The following RSU1 variants were observed in gnomAD, a reference collection of about 807,000 sequenced individuals.
RSU1 encodes Ras suppressor protein 1.
A neutral mutation model predicts 31.1 loss-of-function variants in RSU1; 26 were observed. The observed-to-expected ratio is 0.84, with a 90% CI of 0.61 to 1.16. The LOEUF (loss-of-function observed/expected upper bound fraction) is 1.16. Among genes scored for constraint, RSU1 ranks in the 50% most tolerant of loss-of-function variants. The pLI, the probability that RSU1 is intolerant of heterozygous loss-of-function variation, is 0.00. For missense variants in RSU1, 320 were observed against 339.1 expected (o/e 0.94, Z 0.44); for synonymous variants, 164 against 136.3 (o/e 1.20, Z -1.41).
chr10:16,705,134 T>C (rs969604095), intron 7 of RSU1, among the ~76,000 whole-genome samples: 1 of 152,218 alleles, frequency 6.6e-6, no homozygotes, highest in Non-Finnish European at 1.5e-5. Context: ...TTTTTTCTTT[T>C]GGACTGGCTT....
chr10:16,758,544 C>T (rs1160712892), intron 4 of RSU1, among the ~76,000 whole-genome samples: 3 of 152,128 alleles, frequency 2.0e-5, no homozygotes, highest in Non-Finnish European at 2.9e-5. Flanking sequence ...TTGCTAGCTG[C>T]GTGACCTTCA....
intron 7 of RSU1, among the ~76,000 whole-genome samples, chr10:16,702,709 T>G (rs950126862): frequency 2.0e-5 from 3 of 152,198 alleles, no homozygotes; most frequent in African/African-American, 7.2e-5. Context: ...ATTTTATAGG[T>G]TCACAGGTGG....
intron 7 of RSU1, among the ~76,000 whole-genome samples, chr10:16,701,914 T>G (rs1240144209): frequency 3.3e-5 from 5 of 152,344 alleles, no homozygotes; most frequent in African/African-American, 9.6e-5. Flanking sequence ...TGCCTTATGT[T>G]GCAAGTTGAA....
intron 5 of RSU1, among the ~76,000 whole-genome samples, chr10:16,753,535 ACTACGTGTTT>A (rs1288548344): frequency 6.6e-6 from 1 of 152,254 alleles, no homozygotes; most frequent in Admixed American, 6.5e-5. Flanking sequence ...ACTAATTATT[ACTACGTGTTT>A]CTACAGCCTT....
At chr10:16,779,893 G>A (rs1398320161) in intron 3 of RSU1, among the ~76,000 whole-genome samples, 2 of 152,110 alleles carry the variant, frequency 1.3e-5, no homozygotes, top group Non-Finnish European at 2.9e-5. Flanking sequence ...GAAACAGATC[G>A]GGTGTCAGTG....
At chr10:16,748,188 T>A (rs1465988828) in intron 7 of RSU1, 1 of 152,184 alleles carries the variant, frequency 6.6e-6, no homozygotes, top group Non-Finnish European at 1.5e-5. Context: ...AGTGCACAAG[T>A]CCAAAAACTG....
chr10:16,673,543 A>G (rs955770832), intron 8 of RSU1, among the ~76,000 whole-genome samples: 2 of 152,262 alleles, frequency 1.3e-5, no homozygotes, highest in Admixed American at 6.5e-5. Flanking sequence ...CAAATGGAGA[A>G]GCCCTGTCTT....
At chr10:16,724,201 C>T (rs964821347) in intron 7 of RSU1, among the ~76,000 whole-genome samples, 9 of 152,156 alleles carry the variant, frequency 5.9e-5, no homozygotes, top group African/African-American at 2.2e-4. Flanking sequence ...CCTTCGCCTC[C>T]CAAAGTGCTG....
At chr10:16,669,904 C>A (rs1835075620) in intron 8 of RSU1, among the ~76,000 whole-genome samples, 1 of 152,148 alleles carries the variant, frequency 6.6e-6, no homozygotes, top group Admixed American at 6.5e-5. Flanking sequence ...TACTTACATG[C>A]CCAAAGTCAG....
intron 3 of RSU1, among the ~76,000 whole-genome samples, chr10:16,772,104 A>C (rs1837434382): frequency 6.6e-6 from 1 of 152,232 alleles, no homozygotes; most frequent in Non-Finnish European, 1.5e-5. Flanking sequence ...CCCCTGGCTT[A>C]ACTCACCGCA....
intron 8 of RSU1, among the ~76,000 whole-genome samples, chr10:16,634,122 T>G (rs570866120): frequency 6.6e-6 from 1 of 152,298 alleles, no homozygotes; most frequent in East Asian, 1.9e-4. Flanking sequence ...TGCTGAAGTT[T>G]GGGAACAGCT....
intron 7 of RSU1, among the ~76,000 whole-genome samples, chr10:16,735,548 A>G (rs1306317888): frequency 6.6e-6 from 1 of 152,214 alleles, no homozygotes; most frequent in African/African-American, 2.4e-5. Flanking sequence ...GTATTAGTCC[A>G]TTCTCACACT....
At position 16,620,099 on chromosome 10, in the gene RSU1, T is replaced by C. The variant is rs945966011; in HGVS notation, c.732-26603A>G. Among the ~76,000 whole-genome samples, 6 of 152,218 alleles carry C rather than the reference T, an allele frequency of 3.9e-5. 1 individual carries two copies. Among genetic ancestry groups the C allele is most frequent in the African/African-American group, 1.4e-4 (6 of 41,460 alleles). On this transcript the variant is annotated intron_variant, in intron 8 of 8. Coordinates refer to ENST00000345264, the MANE Select transcript of RSU1 (RefSeq NM_012425.4). ...CTGTTTTGGGGGAAACTGCTTCAAATATTCTGCTTTATCAGAATAGCAATG... is the reference window on the plus strand; with the variant it reads ...CTGTTTTGGGGGAAACTGCTTCAAACATTCTGCTTTATCAGAATAGCAATG...
chr10:16,755,032 A>C, intron 4 of RSU1, 43 bp from the exon 5 acceptor site: 1 of 1,220,566 alleles, frequency 8.2e-7, no homozygotes, highest in Non-Finnish European at 1.2e-6. Flanking sequence ...CACCAAAGAC[A>C]CATTCATACA....
At position 16,752,921 on chromosome 10, in the gene RSU1, C is replaced by A; in HGVS notation, c.480G>T (p.Gln160His). ...AGAATTTAGATAAATTACTTACTAT[C>A]TGCAACTTTGTGAGCTTCCCAATAT... The part of the protein sequence containing the change: ...PPDIGKLTKL[Q>H]ILSLRDNDLI... Residue 160 changes from glutamine (Q) to histidine (H), a missense_variant, in exon 6 of 9, where the codon CAG becomes CAT. Physicochemically the swap from Gln to His is conservative, Grantham distance 24. Transcript: ENST00000345264. 1 of 1,613,388 alleles carries A rather than the reference C, an allele frequency of 6.2e-7. No homozygotes were observed. Among genetic ancestry groups the A allele is most frequent in the Non-Finnish European group, 8.5e-7 (1 of 1,179,312 alleles).
Position 16,605,489 on chromosome 10 carries a change from T to C in RSU1, c.732-11993A>G, listed in dbSNP as rs567439413. ...AAATACATGGATCCCAACTGGATCA[T>C]TAGTGCCTCTGAGACAGGGACTAGG... On this transcript the variant is annotated intron_variant, in intron 8 of 8. Transcript: ENST00000345264. Among the ~76,000 whole-genome samples the C allele has an allele frequency of 2.0e-3, 301 of 152,304 alleles. 12 individuals carry two copies. The South Asian group carries it at 0.061, about 31-fold the overall frequency.
chr10:16,687,890 T>G (rs112712919), intron 8 of RSU1, among the ~76,000 whole-genome samples: 61 of 152,124 alleles, frequency 4.0e-4, no homozygotes, highest in Non-Finnish European at 7.5e-4. Flanking sequence ...CGGCTAATTT[T>G]TTTTCATTTT....
intron 7 of RSU1, among the ~76,000 whole-genome samples, chr10:16,725,507 G>A (rs949427858): frequency 1.3e-5 from 2 of 152,106 alleles, no homozygotes; most frequent in African/African-American, 4.8e-5. Flanking sequence ...TGAGCGGGGG[G>A]CCTTCAGGAG....
At chr10:16,724,359 TTA>T (rs1836340500) in intron 7 of RSU1, among the ~76,000 whole-genome samples, 1 of 152,210 alleles carries the variant, frequency 6.6e-6, no homozygotes, top group African/African-American at 2.4e-5. Context: ...AAATAAATGG[TTA>T]TTACTCCAAC....
Sources: gnomAD v4.1 joint callset for allele counts (sites outside exome capture counted in the v4.1 genomes callset) on GRCh38, gnomAD v4.1.1 for gene constraint, MANE v1.5 for transcripts, NCBI Gene and HGNC (gene_info 2026-07-23, HGNC 2026-07-21) for gene names.